Variants in MAN1A2 observed in about 807,000 individuals in gnomAD.
MAN1A2 encodes mannosyl-oligosaccharide 1,2-alpha-mannosidase IB.
MAN1A2 carries 26 observed loss-of-function variants against 75.7 expected under a neutral mutation model. The ratio of observed to expected loss-of-function variants is 0.34; its 90% CI spans 0.25 to 0.48. The LOEUF (loss-of-function observed/expected upper bound fraction) is 0.48. Ranked by LOEUF, MAN1A2 falls within the 20% of genes least tolerant of loss-of-function variation. The probability of loss-of-function intolerance (pLI) is 0.99; values close to 1 mark genes in which losing one functional copy is unlikely to be tolerated. For missense variants in MAN1A2, 562 were observed against 775.5 expected (o/e 0.72, Z 3.27); for synonymous variants, 247 against 264.6 (o/e 0.93, Z 0.65).
At chr1:117,453,262 A>G (rs1289266952) in intron 6 of MAN1A2, among the ~76,000 whole-genome samples, 1 of 152,204 alleles carries the variant, frequency 6.6e-6, no homozygotes, top group Non-Finnish European at 1.5e-5. Context: ...CTCAAGTCTT[A>G]TTATTTAAAG....
At position 117,512,680 on chromosome 1, in the gene MAN1A2, C is replaced by A. The variant is rs796455256; in HGVS notation, c.1793+9710C>A. 4.0e-5 allele frequency among the ~76,000 whole-genome samples: 6 copies of A among 150,732 alleles called. No individual in the cohort carries two copies. In the South Asian group the frequency reaches 1.3e-3, roughly 32 times the overall value. ...AAATAGGTATACTGGAAGACCAGAACCGTGGTCTTTACATTTTTAAGTGCT... is the reference window on the plus strand; with the variant it reads ...AAATAGGTATACTGGAAGACCAGAAACGTGGTCTTTACATTTTTAAGTGCT... On this transcript the variant is annotated intron_variant, in intron 12 of 12. Coordinates refer to ENST00000356554, the MANE Select transcript of MAN1A2 (RefSeq NM_006699.5).
At chr1:117,414,152 T>C (rs1364919933) in intron 3 of MAN1A2, among the ~76,000 whole-genome samples, 1 of 151,936 alleles carries the variant, frequency 6.6e-6, no homozygotes, top group African/African-American at 2.4e-5. Context: ...TGGTTTCCTT[T>C]TTTCAATTTG....
At chr1:117,417,263 A>G (rs1648023301) in intron 4 of MAN1A2, among the ~76,000 whole-genome samples, 1 of 151,946 alleles carries the variant, frequency 6.6e-6, no homozygotes, top group Middle Eastern at 3.4e-3. Context: ...CTTATTTTGC[A>G]TATATAGTAT....
At chr1:117,459,068 G>A (rs1249434415) in intron 6 of MAN1A2, among the ~76,000 whole-genome samples, 1 of 152,152 alleles carries the variant, frequency 6.6e-6, no homozygotes, top group Non-Finnish European at 1.5e-5. Context: ...GAGGGGCTGT[G>A]ATCCTAAGGT....
chr1:117,484,840 A>T (rs760709042), intron 8 of MAN1A2, among the ~76,000 whole-genome samples: 12 of 151,956 alleles, frequency 7.9e-5, no homozygotes, highest in Non-Finnish European at 1.8e-4. Context: ...ACTAGTATCT[A>T]CACATATGTT....
In MAN1A2 at chr1:117,426,098, T is replaced by C. The variant is rs541525463; in HGVS notation, c.855+5449T>C. ...AAAAATTTTCTTTGGGTATAAAATATAGGTTTACAGTTTTTCCTGTCAACA... is the reference window on the plus strand; with the variant it reads ...AAAAATTTTCTTTGGGTATAAAATACAGGTTTACAGTTTTTCCTGTCAACA... On this transcript the variant is annotated intron_variant, in intron 5 of 12. Coordinates refer to ENST00000356554, the MANE Select transcript of MAN1A2 (RefSeq NM_006699.5). Among the ~76,000 whole-genome samples, 6 of 152,142 alleles carry C rather than the reference T, an allele frequency of 3.9e-5. No individual in the cohort carries two copies. In the South Asian group the frequency reaches 1.0e-3, roughly 26 times the overall value.
chr1:117,478,422 T>G (rs1049090415), intron 8 of MAN1A2, among the ~76,000 whole-genome samples: 13 of 151,960 alleles, frequency 8.6e-5, no homozygotes, highest in Non-Finnish European at 1.6e-4. Context: ...AATTAGGAAG[T>G]CCATTTTTCC....
chr1:117,449,270 AG>A (rs1267546016), intron 6 of MAN1A2, among the ~76,000 whole-genome samples: 1 of 152,176 alleles, frequency 6.6e-6, no homozygotes, highest in Non-Finnish European at 1.5e-5. Context: ...ATTAAAAGTT[AG>A]AAATAGGCTG....
intron 1 of MAN1A2, among the ~76,000 whole-genome samples, chr1:117,371,338 C>G (rs1056021591): frequency 3.9e-5 from 6 of 152,096 alleles, no homozygotes; most frequent in African/African-American, 1.4e-4. Flanking sequence ...TTTCATGAAA[C>G]TTTCAATCTA....
chr1:117,480,370 A>G (rs149242864), intron 8 of MAN1A2, among the ~76,000 whole-genome samples: 2 of 151,982 alleles, frequency 1.3e-5, no homozygotes, highest in African/African-American at 4.8e-5. Flanking sequence ...TACAGGCAAT[A>G]ATGGGACTCA....
chr1:117,510,128 GT>G (rs1651486005), intron 12 of MAN1A2, among the ~76,000 whole-genome samples: 1 of 151,668 alleles, frequency 6.6e-6, no homozygotes, highest in Non-Finnish European at 1.5e-5. Context: ...ACTTGGTTCT[GT>G]TTTTTTGCTC....
chr1:117,379,526 T>C (rs1001859754), intron 1 of MAN1A2, among the ~76,000 whole-genome samples: 7 of 152,234 alleles, frequency 4.6e-5, no homozygotes, highest in African/African-American at 1.7e-4. Flanking sequence ...GAGCACTTAG[T>C]AGTATTTACA....
At chr1:117,378,294 A>G (rs905089409) in intron 1 of MAN1A2, among the ~76,000 whole-genome samples, 1 of 152,164 alleles carries the variant, frequency 6.6e-6, no homozygotes, top group Non-Finnish European at 1.5e-5. Flanking sequence ...TTGTCAGTGC[A>G]TGGTTTTATA....
At chr1:117,440,264 A>G (rs776315507) in intron 5 of MAN1A2, among the ~76,000 whole-genome samples, 10 of 152,218 alleles carry the variant, frequency 6.6e-5, no homozygotes, top group Non-Finnish European at 1.3e-4. Flanking sequence ...TGAGGATTTT[A>G]TGTGACATGA....
intron 1 of MAN1A2, among the ~76,000 whole-genome samples, chr1:117,390,266 T>G (rs1653673412): frequency 6.6e-6 from 1 of 151,962 alleles, no homozygotes; most frequent in East Asian, 1.9e-4. Flanking sequence ...TGAACTGGAG[T>G]TTTCTTTGTG....
intron 1 of MAN1A2, among the ~76,000 whole-genome samples, chr1:117,369,546 T>G (rs190770458): frequency 2.0e-5 from 3 of 152,370 alleles, no homozygotes; most frequent in Admixed American, 2.0e-4. Flanking sequence ...ATGCACTGTT[T>G]TATGAGAACT....
chr1:117,497,087 T>C (rs1651055623), intron 10 of MAN1A2, 105 bp downstream of exon 10: 3 of 792,040 alleles, frequency 3.8e-6, no homozygotes, highest in Admixed American at 6.3e-5. Context: ...TACTTCCAAA[T>C]AGTTTACACC....
chr1:117,468,474 T>C (rs1235984469), intron 8 of MAN1A2, among the ~76,000 whole-genome samples: 1 of 152,200 alleles, frequency 6.6e-6, no homozygotes, highest in Non-Finnish European at 1.5e-5. Flanking sequence ...AAAGCAGTTC[T>C]ATCTAACAGA....
At chr1:117,491,104 A>T (rs368263134) in intron 8 of MAN1A2, among the ~76,000 whole-genome samples, 1 of 149,810 alleles carries the variant, frequency 6.7e-6, no homozygotes, top group South Asian at 2.1e-4. Flanking sequence ...GATCCAGAAG[A>T]TTTTTTTTTT....
Sources: allele counts gnomAD v4.1 joint callset (sites outside exome capture counted in the v4.1 genomes callset), GRCh38; gene constraint gnomAD v4.1.1; transcripts MANE v1.5; gene names NCBI Gene and HGNC (gene_info 2026-07-23, HGNC 2026-07-21).